The following CSMD3 variants were observed in gnomAD, a reference collection of about 807,000 sequenced individuals.
CSMD3 encodes the protein CUB and Sushi multiple domains 3.
A neutral mutation model predicts 435.2 loss-of-function variants in CSMD3; 177 were observed. The observed-to-expected ratio is 0.41, with a 90% CI of 0.36 to 0.46. The LOEUF (loss-of-function observed/expected upper bound fraction) is 0.46, where lower values mean the gene tolerates loss of function less well. Among genes scored for constraint, CSMD3 ranks in the 20% least tolerant of loss-of-function variants. The probability of loss-of-function intolerance (pLI) is 0.34; values close to 1 mark genes in which losing one functional copy is unlikely to be tolerated. For synonymous variants in CSMD3, 1,656 were observed against 1,520.5 expected, an observed-to-expected ratio of 1.09 and a Z score of -2.07; for missense variants, 4,265 against 4,504.6, an observed-to-expected ratio of 0.95 and a Z score of 1.52.
At chr8:113,124,005 C>A (rs2091056622) in intron 4 of CSMD3, among the ~76,000 whole-genome samples, 1 of 151,956 alleles carries the variant, frequency 6.6e-6, no homozygotes, top group African/African-American at 2.4e-5. Flanking sequence ...TACCAAAGCC[C>A]CCAAAAACTC....
intron 31 of CSMD3, among the ~76,000 whole-genome samples, chr8:112,490,876 A>G (rs1369786523): frequency 1.3e-5 from 2 of 152,134 alleles, no homozygotes; most frequent in Admixed American, 1.3e-4. Flanking sequence ...CTTCCATGCC[A>G]TCAATCACTT....
At chr8:112,727,173 G>GTATCATATA (rs1233905280) in intron 13 of CSMD3, among the ~76,000 whole-genome samples, 2 of 151,538 alleles carry the variant, frequency 1.3e-5, no homozygotes, top group Non-Finnish European at 2.9e-5. Flanking sequence ...TTCCTGATTT[G>GTATCATATA]TATCATATAC....
intron 13 of CSMD3, among the ~76,000 whole-genome samples, chr8:112,748,874 T>A (rs2077501595): frequency 6.6e-6 from 1 of 152,196 alleles, no homozygotes; most frequent in East Asian, 1.9e-4. Context: ...GATTTCTGAG[T>A]TGAATGGTAG....
intron 12 of CSMD3, among the ~76,000 whole-genome samples, chr8:112,817,935 T>C (rs10087978): frequency 0.5 from 75,862 of 151,820 alleles, 19,457 homozygotes; most frequent in East Asian, 0.76. Context: ...TGAAAAGATA[T>C]GGCACATTTC....
intron 32 of CSMD3, among the ~76,000 whole-genome samples, chr8:112,459,005 C>A (rs985463911): frequency 3.9e-5 from 6 of 152,002 alleles, no homozygotes; most frequent in African/African-American, 1.4e-4. Context: ...CTTCTACAAA[C>A]AATGAATGCT....
intron 32 of CSMD3, among the ~76,000 whole-genome samples, chr8:112,442,530 A>G (rs893714177): frequency 9.8e-5 from 15 of 152,286 alleles, no homozygotes; most frequent in African/African-American, 3.4e-4. Context: ...TCTGTATCAC[A>G]AAGATATTTT....
Position 113,077,430 on chromosome 8 carries a change from A to G in CSMD3, c.917+21326T>C, listed in dbSNP as rs530793664. Among the ~76,000 whole-genome samples the G allele has an allele frequency of 4.1e-4, 63 of 152,228 alleles. 1 individual carries two copies. The South Asian group carries it at 0.012, about 30-fold the overall frequency. On this transcript the variant is annotated intron_variant, in intron 5 of 70. Transcript: ENST00000297405. ...TTATATAAAAAGCTCTAAGAATGTC[A>G]GTGGCTCACGCCTGTAATCCCAGCA... is the stretch of plus-strand genomic sequence containing the variant.
At chr8:112,389,057 TAGAG>T (rs1197182708) in intron 36 of CSMD3, among the ~76,000 whole-genome samples, 1 of 152,064 alleles carries the variant, frequency 6.6e-6, no homozygotes, top group Admixed American at 6.6e-5. Flanking sequence ...AACAGCAAGA[TAGAG>T]AGCTGCTGAC....
chr8:113,318,607 ACT>A (rs1176934060), intron 1 of CSMD3, among the ~76,000 whole-genome samples: 1 of 151,948 alleles, frequency 6.6e-6, no homozygotes, highest in East Asian at 1.9e-4. Flanking sequence ...CATGGAAATC[ACT>A]GTTTCATTGC....
intron 1 of CSMD3, among the ~76,000 whole-genome samples, chr8:113,346,518 A>AT (rs571510840): frequency 1.9e-4 from 29 of 152,082 alleles, no homozygotes; most frequent in South Asian, 1.5e-3. Context: ...AGGAAACTAG[A>AT]TTTTTTTTAA....
At chr8:112,853,775 A>C (rs916247440) in intron 11 of CSMD3, among the ~76,000 whole-genome samples, 4 of 152,234 alleles carry the variant, frequency 2.6e-5, no homozygotes, top group Non-Finnish European at 5.9e-5. Flanking sequence ...TTTACTTGAA[A>C]GCAATACTGT....
chr8:112,717,036 A>C (rs1478518981), intron 13 of CSMD3, among the ~76,000 whole-genome samples: 1 of 152,180 alleles, frequency 6.6e-6, no homozygotes, highest in East Asian at 1.9e-4. Context: ...AAAATACCAA[A>C]AGCAATTGCA....
chr8:112,416,524 C>G (rs951640669), intron 32 of CSMD3, among the ~76,000 whole-genome samples: 1 of 152,140 alleles, frequency 6.6e-6, no homozygotes, highest in East Asian at 1.9e-4. Context: ...TTAAAACTGC[C>G]TAAGCAAACC....
chr8:112,650,017 G>A (rs1436358263), intron 19 of CSMD3, 144 bp downstream of exon 19: 13 of 656,962 alleles, frequency 2.0e-5, no homozygotes, highest in Non-Finnish European at 3.4e-5. Flanking sequence ...TTCATGAATG[G>A]TTTGATAACA....
At chr8:112,791,319 G>GAAA (rs3047119) in intron 13 of CSMD3, among the ~76,000 whole-genome samples, 1 of 103,192 alleles carries the variant, frequency 9.7e-6, no homozygotes, top group Admixed American at 1.0e-4. Flanking sequence ...CATATCCTGT[G>GAAA]AAAAAAAAAA....
intron 65 of CSMD3, among the ~76,000 whole-genome samples, chr8:112,243,898 T>C (rs1294905697): frequency 1.3e-5 from 2 of 151,996 alleles, no homozygotes; most frequent in African/African-American, 4.8e-5. Context: ...AAGAAGGCCA[T>C]ATTGAAATGG....
intron 10 of CSMD3, among the ~76,000 whole-genome samples, chr8:112,865,591 C>T (rs60417125): frequency 6.6e-6 from 1 of 151,800 alleles, no homozygotes; most frequent in African/African-American, 2.4e-5. Context: ...TTTTTCTCAC[C>T]TGGCATAAGT....
At chr8:113,299,960 C>T (rs925191220) in intron 2 of CSMD3, among the ~76,000 whole-genome samples, 4 of 151,664 alleles carry the variant, frequency 2.6e-5, no homozygotes, top group Non-Finnish European at 5.9e-5. Flanking sequence ...CCACTGCACT[C>T]CAGTCTGGGT....
intron 30 of CSMD3, among the ~76,000 whole-genome samples, chr8:112,498,470 A>G (rs1207485488): frequency 6.6e-6 from 1 of 152,094 alleles, no homozygotes; most frequent in Non-Finnish European, 1.5e-5. Context: ...TTTTATCTCA[A>G]TTGCTTAACT....
Sources: gnomAD v4.1 joint callset for allele counts (sites outside exome capture counted in the v4.1 genomes callset) on GRCh38, gnomAD v4.1.1 for gene constraint, MANE v1.5 for transcripts, NCBI Gene and HGNC (gene_info 2026-07-23, HGNC 2026-07-21) for gene names.